XDH: variants seen among roughly 807,000 people sequenced by gnomAD.
The protein encoded by XDH is xanthine dehydrogenase/oxidase.
XDH carries 138 observed loss-of-function variants against 156.1 expected under a neutral mutation model. The ratio of observed to expected loss-of-function variants is 0.88; its 90% CI spans 0.77 to 1.02. The LOEUF is 1.02. Among genes scored for constraint, XDH ranks in the 50% least tolerant of loss-of-function variants. XDH has a pLI of 0.00. For synonymous variants in XDH, 669 were observed against 625.7 expected (o/e 1.07, Z -1.03); for missense variants, 1,849 against 1,684.9 (o/e 1.10, Z -1.71).
chr2:31,356,321 C>T (rs1685620489), intron 24 of XDH, among the ~76,000 whole-genome samples: 1 of 152,088 alleles, frequency 6.6e-6, no homozygotes, highest in African/African-American at 2.4e-5. Flanking sequence ...AAATGCCTCC[C>T]CAAAGATATA....
chr2:31,342,026 CACTT>C (rs1368284044), intron 32 of XDH, among the ~76,000 whole-genome samples, 153 bp downstream of exon 32: 2 of 152,160 alleles, frequency 1.3e-5, no homozygotes, highest in Non-Finnish European at 2.9e-5. Context: ...AAGTCTAAAA[CACTT>C]ACTCTGTGGC....
chr2:31,335,927 G>C lies in XDH; in HGVS notation c.*31C>G. Reference sequence around the variant, plus strand: ...CCTGCTCCATGGAAGCCCAAAGGCAGCACAAGAAGACTCTGCTGAGGACTC... The same window carrying C: ...CCTGCTCCATGGAAGCCCAAAGGCACCACAAGAAGACTCTGCTGAGGACTC... On this transcript the variant is annotated 3_prime_UTR_variant, in exon 36 of 36. Transcript: ENST00000379416. The C allele has an allele frequency of 1.2e-6, 2 of 1,613,600 alleles. No homozygotes were observed. Among genetic ancestry groups the C allele is most frequent in the Non-Finnish European group, 1.7e-6 (2 of 1,179,484 alleles).
chr2:31,364,304 C>T (rs1685852421), intron 23 of XDH, 60 bp from the exon 24 acceptor site: 4 of 1,531,726 alleles, frequency 2.6e-6, no homozygotes, highest in Middle Eastern at 1.7e-4. Flanking sequence ...ACCTCTCTGT[C>T]TCCCTCTGAT....
At position 31,368,727 on chromosome 2, in the gene XDH, T is replaced by A. The variant is rs564846118; in HGVS notation, c.1981-67A>T. The A allele has an allele frequency of 1.2e-5, 20 of 1,613,768 alleles. No individual in the cohort carries two copies. The South Asian group carries it at 2.2e-4, about 18-fold the overall frequency. On this transcript the variant is annotated intron_variant, in intron 18 of 35. Transcript: ENST00000379416. ...ATGGTGAAACAAATTATTTTTGGAT[T>A]GTTCAAAAAGCCAAAAGAAGTCCCT...
At position 31,387,898 on chromosome 2, in the gene XDH, C is replaced by T. The variant is rs1021978271; in HGVS notation, c.565-1G>A. On this transcript the variant is annotated splice_acceptor_variant, in intron 7 of 35. Coordinates refer to ENST00000379416, the MANE Select transcript of XDH (RefSeq NM_000379.4). LOFTEE classifies it high-confidence loss of function. ...TGAATAAAGATGGCGAGAGGCTGAC[C>T]TATGGGGAAAGAGAACAGGTAGGTG... 1.9e-6 allele frequency: 3 copies of T among 1,577,182 alleles called. No homozygotes were observed. The highest frequency in any genetic ancestry group is 2.3e-5 in the South Asian group (2 of 85,726).
chr2:31,404,811 A>G (rs941034160), intron 2 of XDH, among the ~76,000 whole-genome samples: 3 of 152,170 alleles, frequency 2.0e-5, no homozygotes, highest in Non-Finnish European at 4.4e-5. Flanking sequence ...AAAATCCAGA[A>G]CAAAGTACAC....
Position 31,335,679 on chromosome 2 carries a change from G to C in XDH, c.*279C>G. 1 of 539,722 alleles carries C rather than the reference G, an allele frequency of 1.9e-6. No homozygotes were observed. The highest frequency in any genetic ancestry group is 3.0e-5 in the Admixed American group (1 of 32,964). 33.4% of individuals were successfully genotyped at this position (539,722 alleles called of 1,614,324 possible). A position where few individuals can be genotyped will look rare whatever the true frequency, so the allele number is the denominator to read the frequency against. On this transcript the variant is annotated 3_prime_UTR_variant, in exon 36 of 36. Transcript: ENST00000379416. ...GTGGGGAATAGCACAAACCCTTCCC[G>C]ACCCTATTCCAGATACATGATTAAA...
intron 30 of XDH, among the ~76,000 whole-genome samples, chr2:31,345,712 C>A (rs1333961832): frequency 6.6e-6 from 1 of 151,818 alleles, no homozygotes; most frequent in African/African-American, 2.4e-5. Flanking sequence ...TGCTTGTGTG[C>A]GTTTGTGTGT....
At chr2:31,361,215 C>T (rs748801948) in intron 24 of XDH, among the ~76,000 whole-genome samples, 2 of 152,226 alleles carry the variant, frequency 1.3e-5, no homozygotes, top group East Asian at 1.9e-4. Context: ...AACAGCCCAG[C>T]AATCTTTACT....
intron 24 of XDH, among the ~76,000 whole-genome samples, chr2:31,353,134 T>C (rs1385797443): frequency 6.6e-6 from 1 of 152,102 alleles, no homozygotes; most frequent in African/African-American, 2.4e-5. Context: ...AATTTGTTAA[T>C]TCTCACAATT....
intron 2 of XDH, among the ~76,000 whole-genome samples, chr2:31,404,149 C>T (rs981017664): frequency 1.3e-5 from 2 of 151,882 alleles, no homozygotes; most frequent in African/African-American, 4.9e-5. Flanking sequence ...GAACACGTTA[C>T]CCTGCCGGTG....
Position 31,400,872 on chromosome 2 carries a change from G to A in XDH, c.306+348C>T, listed in dbSNP as rs185922098. Among the ~76,000 whole-genome samples the A allele has an allele frequency of 2.0e-5, 3 of 152,308 alleles. No individual in the cohort carries two copies. In the East Asian group the frequency reaches 5.8e-4, roughly 29 times the overall value. On this transcript the variant is annotated intron_variant, in intron 4 of 35. Transcript: ENST00000379416. The stretch of plus-strand genomic sequence containing the variant: ...TAAAATTCAAATCTGGGAAGGCTGG[G>A]AGTTTCCTAAACACACTCCAGAACA...
intron 17 of XDH, 21 bp downstream of exon 17, chr2:31,372,207 C>T: frequency 6.2e-7 from 1 of 1,614,178 alleles, no homozygotes; most frequent in South Asian, 1.1e-5. Flanking sequence ...TCCACCAGCT[C>T]CTCCTGGCGG....
chr2:31,403,915 G>A (rs1444901108), intron 2 of XDH, among the ~76,000 whole-genome samples: 1 of 152,068 alleles, frequency 6.6e-6, no homozygotes, highest in African/African-American at 2.4e-5. Flanking sequence ...TACTGAAGAT[G>A]GAGGGAACTG....
chr2:31,349,565 G>T, intron 26 of XDH, 121 bp downstream of exon 26: 2 of 1,423,178 alleles, frequency 1.4e-6, no homozygotes, highest in Non-Finnish European at 2.0e-6. Context: ...TGAATGAGTT[G>T]GCAAACTCAG....
intron 12 of XDH, among the ~76,000 whole-genome samples, chr2:31,380,527 A>G (rs752252269): frequency 6.6e-6 from 1 of 152,234 alleles, no homozygotes; most frequent in Non-Finnish European, 1.5e-5. Flanking sequence ...ATGAGCTCCC[A>G]AGAAAACCTC....
chr2:31,341,604 C>T (rs534360836), intron 32 of XDH, among the ~76,000 whole-genome samples: 5 of 152,078 alleles, frequency 3.3e-5, no homozygotes, highest in South Asian at 4.2e-4. Context: ...TTGTAGCAGC[C>T]GGGTAGGAAG....
At chr2:31,377,343 T>A in intron 13 of XDH, 106 bp from the exon 14 acceptor site, 1 of 1,256,810 alleles carries the variant, frequency 8.0e-7, no homozygotes, top group Non-Finnish European at 1.2e-6. Context: ...GATAACACCA[T>A]CACACATCAG....
At chr2:31,384,372 T>C (rs1686526960) in intron 9 of XDH, 1 of 159,730 alleles carries the variant, frequency 6.3e-6, no homozygotes, top group African/African-American at 2.4e-5. Flanking sequence ...ATTATTCGTG[T>C]TGGGGTATAA....
Sources: gnomAD v4.1 joint callset for allele counts (sites outside exome capture counted in the v4.1 genomes callset) on GRCh38, gnomAD v4.1.1 for gene constraint, MANE v1.5 for transcripts, NCBI Gene and HGNC (gene_info 2026-07-23, HGNC 2026-07-21) for gene names.